The following TRAPPC9 variants were observed in gnomAD, a reference collection of about 807,000 sequenced individuals.
TRAPPC9 encodes trafficking protein particle complex subunit 9.
A neutral mutation model predicts 124.0 loss-of-function variants in TRAPPC9; 83 were observed. The ratio of observed to expected loss-of-function variants is 0.67; its 90% CI spans 0.56 to 0.80. The LOEUF (loss-of-function observed/expected upper bound fraction) is 0.80. TRAPPC9 is among the 30% of genes least tolerant of loss of function. The pLI is 0.00. For missense variants in TRAPPC9, 1,302 were observed against 1,508.3 expected, an observed-to-expected ratio of 0.86 and a Z score of 2.27; for synonymous variants, 638 against 617.5, an observed-to-expected ratio of 1.03 and a Z score of -0.49.
rs898401254 is a variant in TRAPPC9, at chr8:140,063,786, C to T, written c.2557-39707G>A. ...GGGCGGGGTATGCATCAAATTTCTCCGAGTGTCTCCTCAGTGGCCCATGTT... is the reference window on the plus strand; with the variant it reads ...GGGCGGGGTATGCATCAAATTTCTCTGAGTGTCTCCTCAGTGGCCCATGTT... On this transcript the variant is annotated intron_variant, in intron 17 of 22. Coordinates refer to ENST00000438773, the MANE Select transcript of TRAPPC9 (RefSeq NM_001160372.4). This position sits in a 1 kb window ranked among gnomAD's most constrained non-coding sequence, Gnocchi z 4.3. Among the ~76,000 whole-genome samples the T allele has an allele frequency of 2.2e-4, 34 of 152,216 alleles. No individual in the cohort carries two copies. The highest frequency in any genetic ancestry group is 7.7e-4 in the African/African-American group (32 of 41,530).
intron 15 of TRAPPC9, among the ~76,000 whole-genome samples, chr8:140,253,851 C>A (rs954001385): frequency 6.6e-6 from 1 of 152,138 alleles, no homozygotes; most frequent in African/African-American, 2.4e-5. Context: ...CTGACTAACT[C>A]GAGTGCCATG....
chr8:140,132,056 C>T (rs2061217775), intron 17 of TRAPPC9, among the ~76,000 whole-genome samples: 1 of 152,198 alleles, frequency 6.6e-6, no homozygotes, highest in Admixed American at 6.5e-5. Flanking sequence ...TCCCTGCTCT[C>T]CGGATCCTCC....
chr8:140,290,953 T>C (rs369734274), intron 12 of TRAPPC9, 40 bp downstream of exon 12: 4 of 1,527,808 alleles, frequency 2.6e-6, no homozygotes, highest in Non-Finnish European at 3.6e-6. Flanking sequence ...GAGAAGTTTG[T>C]ATGTTAGCCC....
intron 17 of TRAPPC9, among the ~76,000 whole-genome samples, chr8:140,069,405 G>A (rs981695332): frequency 1.3e-5 from 2 of 152,110 alleles, no homozygotes; most frequent in African/African-American, 2.4e-5. Flanking sequence ...GAATTTGGTG[G>A]GCATGGGTAA....
chr8:140,232,569 A>T (rs561540175), intron 16 of TRAPPC9, among the ~76,000 whole-genome samples: 2 of 152,260 alleles, frequency 1.3e-5, no homozygotes, highest in African/African-American at 4.8e-5. Context: ...AGCACTAGAT[A>T]TGGAGTCGAA....
intron 17 of TRAPPC9, among the ~76,000 whole-genome samples, chr8:140,171,598 G>A (rs1351995288): frequency 3.9e-5 from 6 of 152,120 alleles, no homozygotes; most frequent in Non-Finnish European, 8.8e-5. Flanking sequence ...AGTACCTGTC[G>A]AGTCAAAGCG....
intron 20 of TRAPPC9, among the ~76,000 whole-genome samples, chr8:139,898,746 G>A (rs936057129): frequency 2.0e-5 from 3 of 152,100 alleles, no homozygotes; most frequent in Non-Finnish European, 2.9e-5. Flanking sequence ...GTCATACCCC[G>A]CTCTCTCCAA....
In TRAPPC9 at chr8:139,884,258, C is replaced by T. The variant is rs557456949; in HGVS notation, c.3055+1621G>A. ...TTTCCAGACTGCAGGGACTTCTCCC[C>T]GCTCAGCCTTGTACCATCAGAACCT... On this transcript the variant is annotated intron_variant, in intron 21 of 22. Coordinates refer to ENST00000438773, the MANE Select transcript of TRAPPC9 (RefSeq NM_001160372.4). Among the ~76,000 whole-genome samples, 6 of 152,128 alleles carry T rather than the reference C, an allele frequency of 3.9e-5. No homozygotes were observed. The East Asian group carries it at 5.8e-4, about 15-fold the overall frequency.
intron 21 of TRAPPC9, among the ~76,000 whole-genome samples, chr8:139,842,852 G>C (rs1826826798): frequency 6.6e-6 from 1 of 152,254 alleles, no homozygotes; most frequent in South Asian, 2.1e-4. Context: ...TGCACTGCCA[G>C]GTCCTACAAC....
At chr8:140,033,679 T>TTTTG (rs1840677371) in intron 17 of TRAPPC9, among the ~76,000 whole-genome samples, 10 of 113,702 alleles carry the variant, frequency 8.8e-5, no homozygotes, top group Non-Finnish European at 1.2e-4. Flanking sequence ...TTTTTTTTTT[T>TTTTG]TTTTTTTTTT....
intron 9 of TRAPPC9, among the ~76,000 whole-genome samples, chr8:140,338,717 C>T (rs1233903180): frequency 2.6e-5 from 4 of 151,096 alleles, no homozygotes; most frequent in African/African-American, 4.9e-5. Context: ...TACAGGCCGA[C>T]GGGAAACGGC....
intron 15 of TRAPPC9, among the ~76,000 whole-genome samples, chr8:140,259,078 C>G (rs2064337106): frequency 6.6e-6 from 1 of 152,214 alleles, no homozygotes; most frequent in Non-Finnish European, 1.5e-5. Context: ...GCTGCAATGG[C>G]ACATAACAGC....
chr8:139,774,540 G>A (rs1042840433), intron 21 of TRAPPC9, among the ~76,000 whole-genome samples: 13 of 152,132 alleles, frequency 8.5e-5, no homozygotes, highest in African/African-American at 2.2e-4. Context: ...CCCCCTTCCC[G>A]CTGACCGCCA....
chr8:140,010,125 G>A (rs765757038), intron 18 of TRAPPC9, among the ~76,000 whole-genome samples: 4 of 152,046 alleles, frequency 2.6e-5, no homozygotes, highest in Admixed American at 6.5e-5. Context: ...ATAACAAATC[G>A]AAATTTAATT....
At chr8:140,397,921 A>C (rs1383406063) in intron 6 of TRAPPC9, among the ~76,000 whole-genome samples, 176 bp from the exon 7 acceptor site, 1 of 152,186 alleles carries the variant, frequency 6.6e-6, no homozygotes, top group Non-Finnish European at 1.5e-5. Context: ...CTCATCTTGA[A>C]TTGTACTCCC....
At chr8:140,296,835 TC>T (rs748140970) in intron 11 of TRAPPC9, among the ~76,000 whole-genome samples, 10 of 152,200 alleles carry the variant, frequency 6.6e-5, no homozygotes, top group Non-Finnish European at 1.5e-4. Context: ...ACTGAAGCTT[TC>T]CTCAAAAGTT....
chr8:140,098,560 G>A (rs61448828), intron 17 of TRAPPC9: 10,740 of 151,244 alleles, frequency 0.071, 442 homozygotes, highest in Middle Eastern at 0.13. Flanking sequence ...GTATAATGAC[G>A]CCCGCCCCCG....
intron 17 of TRAPPC9, among the ~76,000 whole-genome samples, chr8:140,213,392 C>G (rs1376147767): frequency 6.6e-6 from 1 of 152,156 alleles, no homozygotes; most frequent in Non-Finnish European, 1.5e-5. Flanking sequence ...TATGCCAACT[C>G]TCTCATTTCT....
intron 9 of TRAPPC9, among the ~76,000 whole-genome samples, chr8:140,337,441 GGTGA>G (rs770244488): frequency 6.6e-6 from 1 of 152,170 alleles, no homozygotes; most frequent in Non-Finnish European, 1.5e-5. Context: ...ATACTGGCTG[GGTGA>G]GTGAGAAAAT....
Sources: gnomAD v4.1 joint callset for allele counts (sites outside exome capture counted in the v4.1 genomes callset) on GRCh38, gnomAD v4.1.1 for gene constraint, Gnocchi (gnomAD v3.1) non-coding constraint, MANE v1.5 for transcripts, NCBI Gene and HGNC (gene_info 2026-07-23, HGNC 2026-07-21) for gene names.